The following DNM3 variants were observed in gnomAD, a reference collection of about 807,000 sequenced individuals.
The protein encoded by DNM3 is dynamin 3.
DNM3 carries 47 observed loss-of-function variants against 101.6 expected under a neutral mutation model. That is an observed-to-expected ratio of 0.46 (90% CI 0.37 to 0.59). The LOEUF (loss-of-function observed/expected upper bound fraction) is 0.59. Ranked by LOEUF, DNM3 falls within the 20% of genes least tolerant of loss-of-function variation. The pLI is 0.00. For synonymous variants in DNM3, 385 were observed against 387.9 expected, an observed-to-expected ratio of 0.99 and a Z score of 0.09; for missense variants, 849 against 1,085.7, an observed-to-expected ratio of 0.78 and a Z score of 3.06.
chr1:171,972,895 A>AAC (rs2044113859), intron 2 of DNM3, among the ~76,000 whole-genome samples: 4 of 151,924 alleles, frequency 2.6e-5, no homozygotes, highest in Admixed American at 2.6e-4. Context: ...AACAACAAAA[A>AAC]CCCCAGATTC....
chr1:172,129,890 G>T (rs960582937), intron 13 of DNM3, among the ~76,000 whole-genome samples: 9 of 152,132 alleles, frequency 5.9e-5, no homozygotes, highest in Non-Finnish European at 7.4e-5. Flanking sequence ...GGAGAAAAGT[G>T]CATTAGCCCA....
At chr1:172,209,174 A>G (rs1204449603) in intron 14 of DNM3, among the ~76,000 whole-genome samples, 1 of 152,016 alleles carries the variant, frequency 6.6e-6, no homozygotes, top group Non-Finnish European at 1.5e-5. Context: ...TAAGAAGAGT[A>G]ATTTTGACAT....
intron 15 of DNM3, among the ~76,000 whole-genome samples, chr1:172,275,770 G>A (rs1261728739): frequency 2.0e-5 from 3 of 152,162 alleles, no homozygotes; most frequent in African/African-American, 4.8e-5. Context: ...ATATAGTTCC[G>A]TAACATCATC....
chr1:171,914,695 T>C (rs1277802521), intron 1 of DNM3, among the ~76,000 whole-genome samples: 1 of 152,198 alleles, frequency 6.6e-6, no homozygotes, highest in African/African-American at 2.4e-5. Context: ...TGCCTATTCT[T>C]TTGGTCCATA....
intron 14 of DNM3, among the ~76,000 whole-genome samples, chr1:172,213,812 A>T (rs1212601419): frequency 1.3e-5 from 2 of 151,690 alleles, no homozygotes; most frequent in African/African-American, 2.4e-5. Context: ...TGGGCAAGAG[A>T]GCAAGACTCT....
intron 1 of DNM3, among the ~76,000 whole-genome samples, chr1:171,903,365 T>C (rs1313902843): frequency 1.3e-5 from 2 of 152,186 alleles, no homozygotes; most frequent in Non-Finnish European, 2.9e-5. Context: ...TTGGATACCA[T>C]TTTGAATTTT....
intron 1 of DNM3, among the ~76,000 whole-genome samples, chr1:171,907,043 A>G (rs1475559196): frequency 6.6e-6 from 1 of 152,220 alleles, no homozygotes; most frequent in Non-Finnish European, 1.5e-5. Flanking sequence ...ATTTATAGCC[A>G]GAAATGGACC....
chr1:172,304,743 T>C (rs763737054), intron 15 of DNM3, among the ~76,000 whole-genome samples: 4 of 152,070 alleles, frequency 2.6e-5, no homozygotes, highest in Admixed American at 6.6e-5. Context: ...TCAAAACCGC[T>C]CAACTACATG....
chr1:172,064,522 A>C (rs77329614), intron 10 of DNM3, among the ~76,000 whole-genome samples: 9,878 of 151,646 alleles, frequency 0.065, 632 homozygotes, highest in East Asian at 0.17. Flanking sequence ...ATCATGAAAT[A>C]ATCTCATTAT....
intron 13 of DNM3, among the ~76,000 whole-genome samples, chr1:172,108,982 C>A (rs898765834): frequency 6.6e-5 from 10 of 152,124 alleles, no homozygotes; most frequent in Admixed American, 2.6e-4. Context: ...ATATAGTCAT[C>A]ATAATTTAAA....
At chr1:172,249,243 A>C (rs765970255) in intron 14 of DNM3, among the ~76,000 whole-genome samples, 1 of 151,998 alleles carries the variant, frequency 6.6e-6, no homozygotes, top group Non-Finnish European at 1.5e-5. Context: ...GCCCATACCT[A>C]TCTCTCATTG....
intron 14 of DNM3, among the ~76,000 whole-genome samples, chr1:172,163,621 A>G (rs2058633251): frequency 6.6e-6 from 1 of 151,882 alleles, no homozygotes; most frequent in African/African-American, 2.4e-5. Context: ...GTACCCTTTG[A>G]GCAACACTTC....
intron 2 of DNM3, among the ~76,000 whole-genome samples, chr1:171,978,356 G>C (rs2044535922): frequency 6.6e-6 from 1 of 152,168 alleles, no homozygotes; most frequent in Non-Finnish European, 1.5e-5. Flanking sequence ...TGACAGGAAG[G>C]AGCCACACAT....
chr1:171,850,504 C>A (rs2032802807), intron 1 of DNM3, among the ~76,000 whole-genome samples: 1 of 152,066 alleles, frequency 6.6e-6, no homozygotes, highest in Non-Finnish European at 1.5e-5. Flanking sequence ...AAAAGAGGGG[C>A]AAAGGCTTGC....
intron 14 of DNM3, among the ~76,000 whole-genome samples, chr1:172,205,082 C>CTTTTCT (rs2060279822): frequency 6.6e-6 from 1 of 152,070 alleles, no homozygotes; most frequent in Non-Finnish European, 1.5e-5. Context: ...TCTGTATAAA[C>CTTTTCT]GTGCATGTGT....
chr1:172,010,048 C>G (rs2125705123), intron 4 of DNM3, among the ~76,000 whole-genome samples: 1 of 151,768 alleles, frequency 6.6e-6, no homozygotes, highest in East Asian at 1.9e-4. Context: ...TTAATTGTAG[C>G]ATTTAGACCA....
chr1:172,196,657 G>A (rs1746428), intron 14 of DNM3, among the ~76,000 whole-genome samples: 74,396 of 151,962 alleles, frequency 0.49, 19,908 homozygotes, highest in African/African-American at 0.71. Context: ...CTAGTCATCA[G>A]TGATATTCAC....
In DNM3 at chr1:172,412,556, T is replaced by C; in HGVS notation, c.*4715T>C. The C allele has an allele frequency of 2.0e-6, 2 of 985,832 alleles. No homozygotes were observed. Among genetic ancestry groups the C allele is most frequent in the Non-Finnish European group, 2.4e-6 (2 of 829,882 alleles). The allele number at this position is 985,832 out of a possible 1,614,324, so 61.1% of individuals were successfully genotyped here. A position where few individuals can be genotyped will look rare whatever the true frequency, so the allele number is the denominator to read the frequency against. ...GAGCCGGATACTTTCCACTGTCTTC[T>C]TGGCACTTTCAGGATTTCTTAATGC... On this transcript the variant is annotated 3_prime_UTR_variant, in exon 21 of 21. Coordinates refer to ENST00000627582, the MANE Select transcript of DNM3 (RefSeq NM_015569.5).
chr1:171,908,242 G>A (rs1245039277), intron 1 of DNM3, among the ~76,000 whole-genome samples: 1 of 152,162 alleles, frequency 6.6e-6, no homozygotes, highest in Non-Finnish European at 1.5e-5. Context: ...GATAAGATAT[G>A]AATTTTTTGC....
Sources: gnomAD v4.1 joint callset for allele counts (sites outside exome capture counted in the v4.1 genomes callset) on GRCh38, gnomAD v4.1.1 for gene constraint, MANE v1.5 for transcripts, NCBI Gene and HGNC (gene_info 2026-07-23, HGNC 2026-07-21) for gene names.